Variants in TAFA2 observed in about 807,000 individuals in gnomAD.
TAFA2 encodes the protein chemokine-like protein TAFA-2.
In TAFA2, 7 loss-of-function variants were observed where a neutral mutation model predicts 18.8. The observed-to-expected ratio is 0.37, with a 90% CI of 0.21 to 0.70. TAFA2 has a LOEUF of 0.70. Ranked by LOEUF, TAFA2 falls within the 30% of genes least tolerant of loss-of-function variation. The probability of loss-of-function intolerance (pLI) is 0.53; values close to 1 mark genes in which losing one functional copy is unlikely to be tolerated. For synonymous variants in TAFA2, 60 were observed against 54.2 expected (o/e 1.11, Z -0.47); for missense variants, 122 against 158.1 (o/e 0.77, Z 1.23).
At chr12:61,988,683 T>C (rs1282258082) in intron 1 of TAFA2, among the ~76,000 whole-genome samples, 2 of 152,188 alleles carry the variant, frequency 1.3e-5, no homozygotes, top group Admixed American at 1.3e-4. Flanking sequence ...AAATACATTC[T>C]ACCAGAAAAC....
chr12:61,721,838 C>T (rs61940883), intron 4 of TAFA2, among the ~76,000 whole-genome samples: 4,061 of 152,032 alleles, frequency 0.027, 95 homozygotes, highest in Middle Eastern at 0.096. Flanking sequence ...TTGCCTGATC[C>T]CAGCTACTCT....
In TAFA2 at chr12:61,955,662, TA is replaced by T. The variant is rs1565695280; in HGVS notation, c.-1-88237del. ...ATATATATATATATATATATATATA[TA>T]TATATATTTAATTTTAAAAATTAAA... On this transcript the variant is annotated intron_variant, in intron 1 of 4. Transcript: ENST00000416284. Among the ~76,000 whole-genome samples, 153 of 107,258 alleles carry T rather than the reference TA, an allele frequency of 1.4e-3. 4 individuals carry two copies. The highest frequency in any genetic ancestry group is 4.9e-3 in the African/African-American group (142 of 28,728). The allele number at this position is 107,258 out of a possible 152,430, so 70.4% of individuals were successfully genotyped here. A position where few individuals can be genotyped will look rare whatever the true frequency, so the allele number is the denominator to read the frequency against.
intron 1 of TAFA2, among the ~76,000 whole-genome samples, chr12:61,951,532 T>C (rs1195648105): frequency 7.9e-5 from 12 of 152,000 alleles, no homozygotes; most frequent in Admixed American, 7.9e-4. Context: ...TGAAAATTAA[T>C]GTCATGGTAA....
intron 1 of TAFA2, among the ~76,000 whole-genome samples, chr12:62,224,877 T>C (rs921506651): frequency 6.6e-6 from 1 of 152,160 alleles, no homozygotes; most frequent in African/African-American, 2.4e-5. Flanking sequence ...ATTTACATTT[T>C]CGCAGATTTT....
chr12:61,766,934 G>A (rs967169648), intron 2 of TAFA2, among the ~76,000 whole-genome samples: 6 of 152,094 alleles, frequency 3.9e-5, no homozygotes, highest in Non-Finnish European at 4.4e-5. Context: ...GGATGGGGAG[G>A]TAAGAAGCTC....
chr12:61,948,014 A>C (rs999716276), intron 1 of TAFA2, among the ~76,000 whole-genome samples: 2 of 152,168 alleles, frequency 1.3e-5, no homozygotes, highest in Non-Finnish European at 2.9e-5. Context: ...CAGAATCTGG[A>C]AGTAAGGGGA....
chr12:61,932,698 C>A (rs1303912797), intron 1 of TAFA2, among the ~76,000 whole-genome samples: 1 of 152,088 alleles, frequency 6.6e-6, no homozygotes, highest in African/African-American at 2.4e-5. Context: ...CCTCGACCTC[C>A]CAAAGTGCTG....
intron 1 of TAFA2, among the ~76,000 whole-genome samples, chr12:62,154,895 G>A (rs1252957279): frequency 1.3e-5 from 2 of 151,932 alleles, no homozygotes; most frequent in Non-Finnish European, 1.5e-5. Flanking sequence ...ATAGGACAAG[G>A]TGCCCACTCT....
rs770273055 is a variant in TAFA2, at chr12:61,708,759, A to G, written c.*1647T>C. 1.7e-4 allele frequency: 26 copies of G among 152,018 alleles called. No individual in the cohort carries two copies. Among genetic ancestry groups the G allele is most frequent in the Non-Finnish European group, 3.1e-4 (21 of 67,962 alleles). 9.4% of individuals were successfully genotyped at this position (152,018 alleles called of 1,614,324 possible). A position where few individuals can be genotyped will look rare whatever the true frequency, so the allele number is the denominator to read the frequency against. The stretch of plus-strand genomic sequence containing the variant: ...ACTTTTCAGATTTTATTTTTAACCA[A>G]TTTTACATTTTTAGTTGCTCTTCCC... On this transcript the variant is annotated 3_prime_UTR_variant, in exon 5 of 5. Transcript: ENST00000416284.
At chr12:61,906,919 T>A (rs1442345712) in intron 1 of TAFA2, among the ~76,000 whole-genome samples, 1 of 152,092 alleles carries the variant, frequency 6.6e-6, no homozygotes, top group African/African-American at 2.4e-5. Flanking sequence ...ATTTAGGGTA[T>A]CTGGCAGAAG....
At chr12:61,978,916 G>A (rs941514896) in intron 1 of TAFA2, among the ~76,000 whole-genome samples, 3 of 152,048 alleles carry the variant, frequency 2.0e-5, no homozygotes, top group Non-Finnish European at 2.9e-5. Context: ...CATACATGGA[G>A]TGATCAATAT....
chr12:61,997,065 C>T (rs1019553537), intron 1 of TAFA2, among the ~76,000 whole-genome samples: 4 of 151,422 alleles, frequency 2.6e-5, no homozygotes, highest in African/African-American at 9.7e-5. Context: ...GGTTGTATTC[C>T]AGCAGGAAGA....
At chr12:61,995,023 C>A (rs1339889420) in intron 1 of TAFA2, among the ~76,000 whole-genome samples, 15 of 152,180 alleles carry the variant, frequency 9.9e-5, no homozygotes, top group Admixed American at 5.9e-4. Flanking sequence ...CTCCAATTAG[C>A]CACTCAACAA....
At chr12:62,223,065 G>GT (rs1476507479) in intron 1 of TAFA2, among the ~76,000 whole-genome samples, 4 of 152,114 alleles carry the variant, frequency 2.6e-5, no homozygotes, top group Admixed American at 1.3e-4. Context: ...AGACTCAGCT[G>GT]TATTAAAATA....
At position 61,816,651 on chromosome 12, in the gene TAFA2, C is replaced by T. The variant is rs181125627; in HGVS notation, c.106+50669G>A. On this transcript the variant is annotated intron_variant, in intron 2 of 4. Transcript: ENST00000416284. ...TACACTCCCACCAACAGTATTTAAGCGTTCCTAGGGCTATTTTAAGTAGAG... is the reference window on the plus strand; with the variant it reads ...TACACTCCCACCAACAGTATTTAAGTGTTCCTAGGGCTATTTTAAGTAGAG... 1.5e-3 allele frequency among the ~76,000 whole-genome samples: 234 copies of T among 151,376 alleles called. 18 individuals carry two copies. The highest frequency in any genetic ancestry group is 5.2e-3 in the African/African-American group (213 of 40,730).
chr12:61,959,455 T>C (rs1592514560), intron 1 of TAFA2, among the ~76,000 whole-genome samples: 1 of 152,138 alleles, frequency 6.6e-6, no homozygotes, highest in Non-Finnish European at 1.5e-5. Context: ...AGGCATTTCT[T>C]GCTAGAGTAA....
intron 1 of TAFA2, among the ~76,000 whole-genome samples, chr12:62,080,386 G>T (rs1868300474): frequency 6.6e-6 from 1 of 152,074 alleles, no homozygotes; most frequent in Non-Finnish European, 1.5e-5. Flanking sequence ...GATTATACAA[G>T]TATGTACAGG....
At chr12:62,183,165 T>C (rs181046322) in intron 1 of TAFA2, among the ~76,000 whole-genome samples, 1 of 152,292 alleles carries the variant, frequency 6.6e-6, no homozygotes, top group Non-Finnish European at 1.5e-5. Flanking sequence ...TGAATAGTAT[T>C]ATTGTCTTAT....
intron 1 of TAFA2, among the ~76,000 whole-genome samples, chr12:62,089,232 C>G (rs1243555298): frequency 4.6e-5 from 7 of 151,968 alleles, no homozygotes; most frequent in Admixed American, 4.6e-4. Context: ...AACCGATATA[C>G]TTTTTTAAAG....
Sources: gnomAD v4.1 joint callset for allele counts (sites outside exome capture counted in the v4.1 genomes callset) on GRCh38, gnomAD v4.1.1 for gene constraint, MANE v1.5 for transcripts, NCBI Gene and HGNC (gene_info 2026-07-23, HGNC 2026-07-21) for gene names.